The following GPC6 variants were observed in gnomAD, a reference collection of about 807,000 sequenced individuals.
The protein encoded by GPC6 is glypican 6.
Under a neutral mutation model 55.2 loss-of-function variants are expected in GPC6, and 14 were observed. The ratio of observed to expected loss-of-function variants is 0.25; its 90% CI spans 0.17 to 0.40. GPC6 has a LOEUF of 0.40. GPC6 is among the 10% of genes least tolerant of loss of function. The pLI is 1.00. For synonymous variants in GPC6, 278 were observed against 259.6 expected (o/e 1.07, Z -0.68); for missense variants, 641 against 708.5 (o/e 0.90, Z 1.08).
intron 2 of GPC6, among the ~76,000 whole-genome samples, chr13:93,586,363 G>C (rs1877198698): frequency 6.6e-6 from 1 of 152,066 alleles, no homozygotes; most frequent in Admixed American, 6.6e-5. Flanking sequence ...GTCTATCATT[G>C]ATGGGCATTT....
At chr13:94,235,420 T>C (rs1372733977) in intron 4 of GPC6, among the ~76,000 whole-genome samples, 1 of 152,162 alleles carries the variant, frequency 6.6e-6, no homozygotes, top group African/African-American at 2.4e-5. Flanking sequence ...ACCATCCTCA[T>C]TGAGCGGCCT....
intron 1 of GPC6, among the ~76,000 whole-genome samples, chr13:93,249,290 CCTT>C (rs1459077725): frequency 2.0e-5 from 3 of 152,154 alleles, no homozygotes; most frequent in South Asian, 2.1e-4. Context: ...CTCTGAAACT[CCTT>C]ATACTTTAAA....
At chr13:93,631,851 G>A (rs1879454717) in intron 2 of GPC6, among the ~76,000 whole-genome samples, 1 of 152,170 alleles carries the variant, frequency 6.6e-6, no homozygotes. Context: ...ATTAAAGATA[G>A]AACGAATTTT....
chr13:93,411,787 G>C (rs369735915), intron 1 of GPC6, among the ~76,000 whole-genome samples: 1 of 151,932 alleles, frequency 6.6e-6, no homozygotes, highest in East Asian at 1.9e-4. Flanking sequence ...TATCACCTGA[G>C]GTCAGGAGTT....
At chr13:93,504,516 G>A (rs1484390103) in intron 1 of GPC6, among the ~76,000 whole-genome samples, 1 of 136,692 alleles carries the variant, frequency 7.3e-6, no homozygotes, top group Non-Finnish European at 1.5e-5. Context: ...TCCCTCACTG[G>A]ATTGTAACTT....
At chr13:93,353,516 A>C (rs1880706476) in intron 1 of GPC6, among the ~76,000 whole-genome samples, 1 of 152,148 alleles carries the variant, frequency 6.6e-6, no homozygotes, top group Non-Finnish European at 1.5e-5. Flanking sequence ...CACCCATTAC[A>C]CTCTGAGCTC....
At chr13:94,185,048 C>G (rs577297720) in intron 4 of GPC6, among the ~76,000 whole-genome samples, 23 of 152,020 alleles carry the variant, frequency 1.5e-4, no homozygotes, top group African/African-American at 5.3e-4. Flanking sequence ...GAAGAGAAAA[C>G]CAAATGCCGT....
intron 2 of GPC6, among the ~76,000 whole-genome samples, chr13:93,674,409 G>T (rs1881496859): frequency 6.6e-6 from 1 of 152,138 alleles, no homozygotes; most frequent in Non-Finnish European, 1.5e-5. Context: ...TTTTTGTTAA[G>T]TGTATTAAAC....
At chr13:93,501,597 T>C (rs1347845830) in intron 1 of GPC6, among the ~76,000 whole-genome samples, 1 of 152,168 alleles carries the variant, frequency 6.6e-6, no homozygotes, top group Non-Finnish European at 1.5e-5. Context: ...ACAAAACTGA[T>C]AGAGTGCCTT....
At chr13:94,192,443 A>G (rs1481042747) in intron 4 of GPC6, among the ~76,000 whole-genome samples, 1 of 152,150 alleles carries the variant, frequency 6.6e-6, no homozygotes, top group Non-Finnish European at 1.5e-5. Context: ...TGCCAAGAGT[A>G]TGTCTGGGGT....
At chr13:93,937,989 G>T (rs1050271546) in intron 3 of GPC6, among the ~76,000 whole-genome samples, 2 of 152,074 alleles carry the variant, frequency 1.3e-5, no homozygotes, top group Non-Finnish European at 2.9e-5. Flanking sequence ...ATACAGAATT[G>T]CCTTACTTAA....
chr13:94,223,872 C>A (rs908444469), intron 4 of GPC6, among the ~76,000 whole-genome samples: 20 of 152,108 alleles, frequency 1.3e-4, no homozygotes, highest in African/African-American at 4.6e-4. Context: ...ATTTGCAGAG[C>A]TTTTACGGTC....
chr13:93,275,777 C>T (rs2139059604), intron 1 of GPC6, among the ~76,000 whole-genome samples: 1 of 152,284 alleles, frequency 6.6e-6, no homozygotes. Context: ...TTTAAAGGTC[C>T]TATCTCTAAA....
intron 4 of GPC6, among the ~76,000 whole-genome samples, chr13:94,178,567 C>T (rs965305872): frequency 2.6e-5 from 4 of 152,184 alleles, no homozygotes; most frequent in Non-Finnish European, 5.9e-5. Context: ...GTTTTTCTTT[C>T]TTCCTTTGAA....
At chr13:93,998,231 C>T (rs1261761262) in intron 3 of GPC6, among the ~76,000 whole-genome samples, 3 of 152,098 alleles carry the variant, frequency 2.0e-5, no homozygotes, top group African/African-American at 7.2e-5. Flanking sequence ...CCATAGATGA[C>T]AATAAAATAT....
chr13:93,918,817 A>G (rs1877419840), intron 3 of GPC6, among the ~76,000 whole-genome samples: 1 of 152,224 alleles, frequency 6.6e-6, no homozygotes, highest in Non-Finnish European at 1.5e-5. Flanking sequence ...GAGAGGTACC[A>G]TCTTTCAACT....
intron 4 of GPC6, among the ~76,000 whole-genome samples, chr13:94,233,141 T>C (rs375962892): frequency 1.3e-5 from 2 of 151,906 alleles, no homozygotes; most frequent in South Asian, 2.1e-4. Context: ...CTTAAAAACT[T>C]GTAGGGAAAC....
chr13:94,229,952 T>C (rs896090117), intron 4 of GPC6, among the ~76,000 whole-genome samples: 5 of 152,134 alleles, frequency 3.3e-5, no homozygotes, highest in African/African-American at 1.2e-4. Flanking sequence ...GATGCCCAAG[T>C]TACTATCAGT....
chr13:93,731,753 A>G (rs1883829717), intron 2 of GPC6, among the ~76,000 whole-genome samples: 2 of 152,180 alleles, frequency 1.3e-5, no homozygotes, highest in South Asian at 4.1e-4. Context: ...GAATATTCAC[A>G]TAAAGGAAGC....
Sources: gnomAD v4.1 joint callset for allele counts (sites outside exome capture counted in the v4.1 genomes callset) on GRCh38, gnomAD v4.1.1 for gene constraint, MANE v1.5 for transcripts, NCBI Gene and HGNC (gene_info 2026-07-23, HGNC 2026-07-21) for gene names.